Variants in CNBD1 observed in about 807,000 individuals in gnomAD.
CNBD1 encodes the protein cyclic nucleotide-binding domain-containing protein 1.
In CNBD1, 71 loss-of-function variants were observed where a neutral mutation model predicts 54.4. That is an observed-to-expected ratio of 1.30 (90% CI 1.08 to 1.59). The LOEUF is 1.59. Ranked by LOEUF, CNBD1 falls within the 40% of genes most tolerant of loss-of-function variation. The pLI, the probability that CNBD1 is intolerant of heterozygous loss-of-function variation, is 0.00. For missense variants in CNBD1, 659 were observed against 518.0 expected (o/e 1.27, Z -2.64); for synonymous variants, 182 against 170.7 (o/e 1.07, Z -0.51).
intron 6 of CNBD1, among the ~76,000 whole-genome samples, chr8:87,249,230 G>A (rs1807865405): frequency 6.6e-6 from 1 of 152,144 alleles, no homozygotes; most frequent in Non-Finnish European, 1.5e-5. Context: ...CCCATGCACA[G>A]TTCACAATAG....
Position 87,322,074 on chromosome 8 carries a change from A to C in CNBD1, c.1043-29611A>C, listed in dbSNP as rs549637871. Among the ~76,000 whole-genome samples, 24 of 130,126 alleles carry C rather than the reference A, an allele frequency of 1.8e-4. 1 individual carries two copies. In the South Asian group the frequency reaches 5.5e-3, roughly 30 times the overall value. The allele number at this position is 130,126 out of a possible 152,430, so 85.4% of individuals were successfully genotyped here. A position where few individuals can be genotyped will look rare whatever the true frequency, so the allele number is the denominator to read the frequency against. On this transcript the variant is annotated intron_variant, in intron 8 of 10. Coordinates refer to ENST00000518476, the MANE Select transcript of CNBD1 (RefSeq NM_173538.3). Reference sequence around the variant, plus strand: ...CGGTGTTTGGTTTTTTGTTCTTGCGATAGTTTACTGAGAATGATGATTTCC... The same window carrying C: ...CGGTGTTTGGTTTTTTGTTCTTGCGCTAGTTTACTGAGAATGATGATTTCC...
chr8:87,303,054 A>G (rs1199513222), intron 8 of CNBD1, among the ~76,000 whole-genome samples: 1 of 151,940 alleles, frequency 6.6e-6, no homozygotes, highest in Admixed American at 6.6e-5. Context: ...GAAAATGGCC[A>G]TACTGCCCAA....
intron 6 of CNBD1, among the ~76,000 whole-genome samples, chr8:87,272,991 G>T (rs1216827387): frequency 6.6e-6 from 1 of 151,830 alleles, no homozygotes; most frequent in African/African-American, 2.4e-5. Flanking sequence ...ATCCAAGTAT[G>T]GAGGGGCAAT....
intron 4 of CNBD1, among the ~76,000 whole-genome samples, chr8:87,171,462 C>G (rs1444524845): frequency 6.6e-6 from 1 of 151,550 alleles, no homozygotes; most frequent in African/African-American, 2.4e-5. Context: ...AAAAAACCAA[C>G]TTTTTGTTTT....
chr8:87,226,234 A>C (rs1409363220), intron 5 of CNBD1, among the ~76,000 whole-genome samples: 1 of 151,004 alleles, frequency 6.6e-6, no homozygotes, highest in Non-Finnish European at 1.5e-5. Flanking sequence ...TTGTGTCTCT[A>C]TTTCCTTCAG....
chr8:86,915,915 G>A (rs1809176897), intron 3 of CNBD1, among the ~76,000 whole-genome samples: 1 of 152,092 alleles, frequency 6.6e-6, no homozygotes, highest in Admixed American at 6.6e-5. Flanking sequence ...ATTAATCTAA[G>A]GTTCCATTTT....
At chr8:87,227,062 C>T (rs1017893448) in intron 5 of CNBD1, among the ~76,000 whole-genome samples, 1 of 151,296 alleles carries the variant, frequency 6.6e-6, no homozygotes. Flanking sequence ...AGGATTGCAA[C>T]CCCTGCCTTT....
In CNBD1 at chr8:87,205,279, G is replaced by A. The variant is rs186544899; in HGVS notation, c.432-714G>A. 4.9e-3 allele frequency among the ~76,000 whole-genome samples: 752 copies of A among 152,128 alleles called. 5 individuals are homozygous for A. Among genetic ancestry groups the A allele is most frequent in the Middle Eastern group, 0.027 (8 of 294 alleles). On this transcript the variant is annotated intron_variant, in intron 4 of 10. Transcript: ENST00000518476. ...GATCTCCTGACCTCGTGATCCACCCGCCTCGGCCTCCCAAAGTGCTAGGAT... is the reference window on the plus strand; with the variant it reads ...GATCTCCTGACCTCGTGATCCACCCACCTCGGCCTCCCAAAGTGCTAGGAT...
chr8:87,303,657 G>C (rs1299987244), intron 8 of CNBD1, among the ~76,000 whole-genome samples: 2 of 150,872 alleles, frequency 1.3e-5, no homozygotes, highest in Non-Finnish European at 2.9e-5. Flanking sequence ...TAACTAAAGA[G>C]CTTCTGCACA....
At chr8:86,998,685 C>T (rs997732876) in intron 4 of CNBD1, among the ~76,000 whole-genome samples, 79 of 152,114 alleles carry the variant, frequency 5.2e-4, no homozygotes, top group African/African-American at 1.7e-3. Flanking sequence ...ATATCACTGG[C>T]CCCATGTTTG....
At chr8:86,981,578 A>T (rs532521730) in intron 4 of CNBD1, among the ~76,000 whole-genome samples, 1 of 152,222 alleles carries the variant, frequency 6.6e-6, no homozygotes, top group Admixed American at 6.6e-5. Flanking sequence ...GCCCCTTTGC[A>T]GTACATCTTC....
In CNBD1 at chr8:86,866,428, G is replaced by T; in HGVS notation, c.-68G>T. Reference sequence around the variant, plus strand: ...CCTTGAAGTTCTGCTTTATGAGCCTGCAGGCAAAGAGTGATCATTTGCCTC... The same window carrying T: ...CCTTGAAGTTCTGCTTTATGAGCCTTCAGGCAAAGAGTGATCATTTGCCTC... On this transcript the variant is annotated 5_prime_UTR_variant, in exon 1 of 11. Coordinates refer to ENST00000518476, the MANE Select transcript of CNBD1 (RefSeq NM_173538.3). The T allele has an allele frequency of 5.4e-6, 6 of 1,109,720 alleles. No individual in the cohort carries two copies. The highest frequency in any genetic ancestry group is 6.7e-6 in the Non-Finnish European group (5 of 743,978). The allele number at this position is 1,109,720 out of a possible 1,614,324, so 68.7% of individuals were successfully genotyped here. A position where few individuals can be genotyped will look rare whatever the true frequency, so the allele number is the denominator to read the frequency against.
chr8:87,418,304 C>T (rs60588162), intron 2 of CNBD1, among the ~76,000 whole-genome samples: 7,312 of 151,790 alleles, frequency 0.048, 572 homozygotes, highest in African/African-American at 0.16. Flanking sequence ...CTGAGACAAC[C>T]GAATATTCAC....
intron 4 of CNBD1, among the ~76,000 whole-genome samples, chr8:87,063,881 A>T (rs530245923): frequency 1.3e-5 from 2 of 152,104 alleles, no homozygotes; most frequent in South Asian, 2.1e-4. Flanking sequence ...TGATATATTT[A>T]AAAATTTTTA....
chr8:86,935,641 C>A (rs2130415677), intron 3 of CNBD1, among the ~76,000 whole-genome samples: 1 of 152,066 alleles, frequency 6.6e-6, no homozygotes, highest in Non-Finnish European at 1.5e-5. Flanking sequence ...TTTTTGTTCT[C>A]AAAAATTTTT....
chr8:86,977,279 A>G (rs534773798), intron 4 of CNBD1, among the ~76,000 whole-genome samples: 1 of 118,204 alleles, frequency 8.5e-6, no homozygotes, highest in African/African-American at 3.2e-5. Flanking sequence ...ATTTCTTTCA[A>G]TATAATTTTT....
chr8:87,310,453 C>T (rs1481376433), intron 8 of CNBD1, among the ~76,000 whole-genome samples: 1 of 152,058 alleles, frequency 6.6e-6, no homozygotes, highest in East Asian at 1.9e-4. Flanking sequence ...ATAAGGAAAA[C>T]TACAAAACAC....
At chr8:86,939,165 T>C (rs4424272) in intron 3 of CNBD1, among the ~76,000 whole-genome samples, 48,427 of 152,044 alleles carry the variant, frequency 0.32, 7,886 homozygotes, top group East Asian at 0.38. Context: ...TCTTCCAAGA[T>C]GTTTATAGAT....
chr8:87,001,907 C>G (rs1173643085), intron 4 of CNBD1, among the ~76,000 whole-genome samples: 2 of 152,058 alleles, frequency 1.3e-5, no homozygotes, highest in African/African-American at 4.8e-5. Flanking sequence ...AGGAAGTCAC[C>G]TTTGTCTTTC....
Sources: gnomAD v4.1 joint callset for allele counts (sites outside exome capture counted in the v4.1 genomes callset) on GRCh38, gnomAD v4.1.1 for gene constraint, MANE v1.5 for transcripts, NCBI Gene and HGNC (gene_info 2026-07-23, HGNC 2026-07-21) for gene names.